Variants in RBFOX1 observed in about 807,000 individuals in gnomAD.
RBFOX1 encodes RNA binding protein fox-1 homolog 1.
Under a neutral mutation model 57.7 loss-of-function variants are expected in RBFOX1, and 8 were observed. That is an observed-to-expected ratio of 0.14 (90% CI 0.08 to 0.25). RBFOX1 has a LOEUF of 0.25. Ranked by LOEUF, RBFOX1 falls within the 10% of genes least tolerant of loss-of-function variation. The pLI, the probability that RBFOX1 is intolerant of heterozygous loss-of-function variation, is 1.00. For synonymous variants in RBFOX1, 326 were observed against 222.4 expected (o/e 1.47, Z -4.15); for missense variants, 611 against 548.5 (o/e 1.11, Z -1.14).
intron 2 of RBFOX1, among the ~76,000 whole-genome samples, chr16:6,481,143 T>C (rs1290269666): frequency 6.6e-6 from 1 of 152,210 alleles, no homozygotes; most frequent in Non-Finnish European, 1.5e-5. Flanking sequence ...TTTACAGTGC[T>C]CATGGGAGAC....
At chr16:6,175,911 G>A (rs2097003049) in intron 1 of RBFOX1, among the ~76,000 whole-genome samples, 1 of 152,130 alleles carries the variant, frequency 6.6e-6, no homozygotes, top group South Asian at 2.1e-4. Flanking sequence ...CCTGTTAGAA[G>A]CACCTGGGAG....
chr16:7,252,778 A>G lies in RBFOX1; in HGVS notation c.27+200680A>G, dbSNP rs377036681. On this transcript the variant is annotated intron_variant, in intron 4 of 15. Transcript: ENST00000550418. ...TATTATTTCCACTTTTGATGGCATT[A>G]GGTATCTCTGGGCTAATGTTACATA... Among the ~76,000 whole-genome samples, 114 of 151,168 alleles carry G rather than the reference A, an allele frequency of 7.5e-4. 2 individuals carry two copies. In the East Asian group the frequency reaches 0.017, roughly 22 times the overall value.
chr16:6,009,816 C>CTGTGTGTGTGTGTGGTG (rs1555469441), intron 4 of RBFOX1, among the ~76,000 whole-genome samples: 3 of 148,418 alleles, frequency 2.0e-5, no homozygotes, highest in African/African-American at 7.5e-5. Context: ...GTGTGTGTGT[C>CTGTGTGTGTGTGTGGTG]TGTGTGTGTG....
chr16:5,360,283 G>A (rs79455156), intron 1 of RBFOX1, among the ~76,000 whole-genome samples: 6,916 of 152,318 alleles, frequency 0.045, 264 homozygotes, highest in East Asian at 0.12. Flanking sequence ...TAGAGGATAG[G>A]CATCCTCCTG....
At chr16:5,565,322 T>A (rs2046027134) in intron 2 of RBFOX1, among the ~76,000 whole-genome samples, 2 of 152,156 alleles carry the variant, frequency 1.3e-5, no homozygotes, top group South Asian at 4.1e-4. Context: ...CACATACCAC[T>A]ACATTAGAAT....
chr16:6,550,380 T>C (rs2096967789), intron 2 of RBFOX1, among the ~76,000 whole-genome samples: 1 of 152,198 alleles, frequency 6.6e-6, no homozygotes, highest in Admixed American at 6.5e-5. Context: ...CTTCACCATG[T>C]TGACCAGGCT....
At chr16:5,574,110 A>G (rs2046376353) in intron 2 of RBFOX1, among the ~76,000 whole-genome samples, 1 of 152,256 alleles carries the variant, frequency 6.6e-6, no homozygotes, top group Non-Finnish European at 1.5e-5. Context: ...AGTAACTTGT[A>G]CAATAGGCAG....
chr16:6,161,388 TA>T (rs57538647), intron 1 of RBFOX1, among the ~76,000 whole-genome samples: 24,503 of 131,668 alleles, frequency 0.19, 4,388 homozygotes, highest in African/African-American at 0.48. Context: ...GACTCTGTCT[TA>T]AAAAAAAAAA....
At chr16:5,923,379 AG>A (rs1462584266) in intron 4 of RBFOX1, among the ~76,000 whole-genome samples, 1 of 152,062 alleles carries the variant, frequency 6.6e-6, no homozygotes, top group Non-Finnish European at 1.5e-5. Flanking sequence ...GGGATGCCAA[AG>A]GTGGAGGTTG....
chr16:6,263,496 C>G (rs1056577512), intron 1 of RBFOX1, among the ~76,000 whole-genome samples: 3 of 152,132 alleles, frequency 2.0e-5, no homozygotes, highest in Admixed American at 1.3e-4. Context: ...AGTGCAGCCT[C>G]CATTTATGAA....
At chr16:6,282,640 C>T (rs958546435) in intron 1 of RBFOX1, among the ~76,000 whole-genome samples, 2 of 151,954 alleles carry the variant, frequency 1.3e-5, no homozygotes, top group African/African-American at 2.4e-5. Context: ...TGTGGTGTTT[C>T]GTTTTCTGTT....
intron 3 of RBFOX1, among the ~76,000 whole-genome samples, chr16:6,750,991 G>C (rs986559404): frequency 3.9e-5 from 6 of 152,120 alleles, no homozygotes; most frequent in African/African-American, 1.4e-4. Context: ...TGGCCAAAAA[G>C]AGGAAGGATC....
At position 5,459,227 on chromosome 16, in the gene RBFOX1, C is replaced by G. The variant is rs191420539; in HGVS notation, c.220-7989C>G. On this transcript the variant is annotated intron_variant, in intron 1 of 2. Transcript: ENST00000585867. ...ATTGGCATGTAAACCAGATATGACC[C>G]TTGTCCTCTGTGCTTAGGGCCTCAT... is the stretch of plus-strand genomic sequence containing the variant. Among the ~76,000 whole-genome samples the G allele has an allele frequency of 3.3e-5, 5 of 152,322 alleles. 1 individual carries two copies. Among genetic ancestry groups the G allele is most frequent in the Admixed American group, 2.0e-4 (3 of 15,302 alleles).
At chr16:7,310,525 C>T (rs2096283979) in intron 4 of RBFOX1, among the ~76,000 whole-genome samples, 2 of 152,134 alleles carry the variant, frequency 1.3e-5, no homozygotes, top group Non-Finnish European at 2.9e-5. Flanking sequence ...ATCAAAACTT[C>T]ATCAAGGGGC....
At chr16:6,552,248 T>C (rs1567653949) in intron 2 of RBFOX1, among the ~76,000 whole-genome samples, 1 of 152,114 alleles carries the variant, frequency 6.6e-6, no homozygotes, top group African/African-American at 2.4e-5. Context: ...ATAATGAAAG[T>C]ATTTGAAGGA....
Position 7,210,961 on chromosome 16 carries a change from G to T in RBFOX1, c.27+158863G>T, listed in dbSNP as rs570741431. Among the ~76,000 whole-genome samples the T allele has an allele frequency of 1.4e-4, 22 of 151,786 alleles. No homozygotes were observed. In the South Asian group the frequency reaches 4.4e-3, roughly 30 times the overall value. Reference sequence around the variant, plus strand: ...TAAAAATAGAAAGGAGGGAAGAAAGGAAACTAATTTTATGAGATGATGAGT... The same window carrying T: ...TAAAAATAGAAAGGAGGGAAGAAAGTAAACTAATTTTATGAGATGATGAGT... On this transcript the variant is annotated intron_variant, in intron 4 of 15. Coordinates refer to ENST00000550418, the MANE Select transcript of RBFOX1 (RefSeq NM_018723.4).
At chr16:5,383,277 G>T (rs998186654) in intron 1 of RBFOX1, among the ~76,000 whole-genome samples, 2 of 152,186 alleles carry the variant, frequency 1.3e-5, no homozygotes, top group Non-Finnish European at 2.9e-5. Flanking sequence ...GCGCCCACTG[G>T]TGTGGGGAAA....
chr16:6,212,240 A>T (rs997198329), intron 1 of RBFOX1, among the ~76,000 whole-genome samples: 1 of 152,178 alleles, frequency 6.6e-6, no homozygotes, highest in Non-Finnish European at 1.5e-5. Context: ...AATTGGTGAA[A>T]AAAGTTGTAT....
At chr16:6,293,277 C>A (rs1480214907) in intron 1 of RBFOX1, among the ~76,000 whole-genome samples, 1 of 152,170 alleles carries the variant, frequency 6.6e-6, no homozygotes, top group African/African-American at 2.4e-5. Context: ...TAAACCTAGA[C>A]ACTCTGGCTT....
Sources: allele counts gnomAD v4.1 joint callset (sites outside exome capture counted in the v4.1 genomes callset), GRCh38; gene constraint gnomAD v4.1.1; transcripts MANE v1.5; gene names NCBI Gene and HGNC (gene_info 2026-07-23, HGNC 2026-07-21).